The following SHISA6 variants were observed in gnomAD, a reference collection of about 807,000 sequenced individuals.
The protein encoded by SHISA6 is shisa family member 6.
SHISA6 carries 22 observed loss-of-function variants against 47.9 expected under a neutral mutation model. The observed-to-expected ratio is 0.46, with a 90% CI of 0.33 to 0.66. The LOEUF is 0.66. SHISA6 is among the 30% of genes least tolerant of loss of function. SHISA6 has a pLI of 0.02. For synonymous variants in SHISA6, 388 were observed against 337.8 expected (o/e 1.15, Z -1.63); for missense variants, 680 against 764.6 (o/e 0.89, Z 1.30).
rs755048537 is a variant in SHISA6 at position 11,558,722 on chromosome 17, A to G, written c.*418A>G. The G allele has an allele frequency of 2.4e-4, 58 of 237,178 alleles. No homozygotes were observed. Among genetic ancestry groups the G allele is most frequent in the Non-Finnish European group, 4.0e-4 (48 of 120,464 alleles). The allele number at this position is 237,178 out of a possible 1,614,324, so 14.7% of individuals were successfully genotyped here. On this transcript the variant is annotated 3_prime_UTR_variant, in exon 6 of 6. Transcript: ENST00000441885. The stretch of plus-strand genomic sequence containing the variant: ...GGGTTTGAAGGGGCCAGCGGGTCCA[A>G]TCAGTGGGCTGACCGGATAGGCTAC...
intron 2 of SHISA6, among the ~76,000 whole-genome samples, chr17:11,332,667 G>T (rs1911164108): frequency 6.6e-6 from 1 of 152,150 alleles, no homozygotes; most frequent in African/African-American, 2.4e-5. Flanking sequence ...TGGAAATTCA[G>T]CTGGGAGCCA....
chr17:11,526,118 C>CCG (rs1350949253), intron 3 of SHISA6, among the ~76,000 whole-genome samples: 1 of 151,678 alleles, frequency 6.6e-6, no homozygotes, highest in African/African-American at 2.4e-5. Context: ...GGACCCCCCC[C>CCG]CGCTCTCTGC....
chr17:11,552,616 G>A (rs1310328035), intron 4 of SHISA6, among the ~76,000 whole-genome samples: 1 of 152,208 alleles, frequency 6.6e-6, no homozygotes, highest in Non-Finnish European at 1.5e-5. Flanking sequence ...TCTTTGCTGT[G>A]AAAGAGTGAA....
intron 3 of SHISA6, among the ~76,000 whole-genome samples, chr17:11,410,229 T>C (rs766135179): frequency 1.1e-4 from 16 of 152,194 alleles, no homozygotes; most frequent in Non-Finnish European, 2.1e-4. Context: ...ACCTCATCTT[T>C]CCAGTATTAA....
At chr17:11,281,080 T>A (rs1909100854) in intron 2 of SHISA6, among the ~76,000 whole-genome samples, 1 of 152,230 alleles carries the variant, frequency 6.6e-6, no homozygotes, top group South Asian at 2.1e-4. Flanking sequence ...ATTTTTAGAA[T>A]TTTTACAAAC....
intron 2 of SHISA6, among the ~76,000 whole-genome samples, chr17:11,279,672 C>T (rs1394683687): frequency 1.3e-5 from 2 of 152,054 alleles, no homozygotes; most frequent in Admixed American, 6.6e-5. Flanking sequence ...GTGGTGGTGC[C>T]TGCAGTGGTT....
At chr17:11,530,393 C>G (rs2071722103) in intron 3 of SHISA6, among the ~76,000 whole-genome samples, 1 of 152,162 alleles carries the variant, frequency 6.6e-6, no homozygotes, top group African/African-American at 2.4e-5. Context: ...ACTGAAAAAG[C>G]ACATCTCAGT....
At chr17:11,539,521 T>C (rs1354723268) in intron 3 of SHISA6, among the ~76,000 whole-genome samples, 2 of 152,206 alleles carry the variant, frequency 1.3e-5, no homozygotes, top group Non-Finnish European at 1.5e-5. Flanking sequence ...CAGAGTCAAC[T>C]GCCCACCTCC....
At chr17:11,310,760 G>A (rs906705439) in intron 2 of SHISA6, among the ~76,000 whole-genome samples, 31 of 152,090 alleles carry the variant, frequency 2.0e-4, no homozygotes, top group East Asian at 1.9e-4. Flanking sequence ...AGATCACAAG[G>A]TCAGGAGTTC....
At chr17:11,261,263 G>A (rs148187928) in intron 1 of SHISA6, among the ~76,000 whole-genome samples, 45 of 152,342 alleles carry the variant, frequency 3.0e-4, no homozygotes, top group Non-Finnish European at 5.4e-4. Context: ...ACATGGGTGT[G>A]GGACCAGGAG....
intron 2 of SHISA6, among the ~76,000 whole-genome samples, chr17:11,377,874 G>A (rs1415583937): frequency 3.3e-5 from 5 of 152,194 alleles, no homozygotes; most frequent in Non-Finnish European, 4.4e-5. Context: ...CTGGAGTTGA[G>A]TCTGAGGGTC....
intron 3 of SHISA6, among the ~76,000 whole-genome samples, chr17:11,388,642 G>A (rs575695956): frequency 2.0e-5 from 3 of 151,270 alleles, no homozygotes; most frequent in African/African-American, 7.3e-5. Flanking sequence ...GAAAATCTGC[G>A]GCATCGGTGT....
rs1433954632 is a variant in SHISA6, at chr17:11,561,615, C to T, written c.*3311C>T. 6.6e-6 allele frequency: 1 copy of T among 152,278 alleles called. No individual in the cohort carries two copies. The highest frequency in any genetic ancestry group is 1.5e-5 in the Non-Finnish European group (1 of 68,142). 9.4% of individuals were successfully genotyped at this position (152,278 alleles called of 1,614,324 possible). A position where few individuals can be genotyped will look rare whatever the true frequency, so the allele number is the denominator to read the frequency against. ...ATTCAAATTTCTCCTCCCCTCTTTC[C>T]ACTCTCCCTCCCAGAAACTCCTGAT... is the stretch of plus-strand genomic sequence containing the variant. On this transcript the variant is annotated 3_prime_UTR_variant, in exon 6 of 6. Transcript: ENST00000441885.
At chr17:11,282,912 A>G (rs552508047) in intron 2 of SHISA6, among the ~76,000 whole-genome samples, 1 of 152,330 alleles carries the variant, frequency 6.6e-6, no homozygotes, top group East Asian at 1.9e-4. Flanking sequence ...CACATTCCAC[A>G]TTCAGGTTTA....
intron 2 of SHISA6, among the ~76,000 whole-genome samples, chr17:11,311,828 T>C (rs367885814): frequency 1.3e-5 from 2 of 152,110 alleles, no homozygotes; most frequent in African/African-American, 4.8e-5. Context: ...CAGGCTGGAG[T>C]GCAGTGGGGC....
At chr17:11,282,253 A>G (rs893759032) in intron 2 of SHISA6, among the ~76,000 whole-genome samples, 1 of 152,196 alleles carries the variant, frequency 6.6e-6, no homozygotes, top group African/African-American at 2.4e-5. Flanking sequence ...CTTGCTCTGC[A>G]TAGTTCTCTT....
chr17:11,375,440 G>A (rs1041939505), intron 2 of SHISA6, among the ~76,000 whole-genome samples: 26 of 152,092 alleles, frequency 1.7e-4, no homozygotes, highest in Non-Finnish European at 3.4e-4. Context: ...GCAACCCGAG[G>A]CAAACTGTCC....
At chr17:11,505,984 A>T (rs776208846) in intron 3 of SHISA6, among the ~76,000 whole-genome samples, 12 of 152,222 alleles carry the variant, frequency 7.9e-5, no homozygotes, top group Non-Finnish European at 1.5e-4. Context: ...TTGAGGGATG[A>T]TGGAATTAGG....
chr17:11,522,804 A>G (rs1476092475), intron 3 of SHISA6, among the ~76,000 whole-genome samples: 1 of 152,184 alleles, frequency 6.6e-6, no homozygotes, highest in East Asian at 1.9e-4. Flanking sequence ...TGTATTTCAT[A>G]TTATTTGTTC....
Sources: allele counts gnomAD v4.1 joint callset (sites outside exome capture counted in the v4.1 genomes callset), GRCh38; gene constraint gnomAD v4.1.1; transcripts MANE v1.5; gene names NCBI Gene and HGNC (gene_info 2026-07-23, HGNC 2026-07-21).